DNAH9: variants seen among roughly 807,000 people sequenced by gnomAD.
The protein encoded by DNAH9 is dynein axonemal heavy chain 9.
In DNAH9, 345 loss-of-function variants were observed where a neutral mutation model predicts 471.6. That is an observed-to-expected ratio of 0.73 (90% CI 0.67 to 0.80). The LOEUF (loss-of-function observed/expected upper bound fraction) is 0.80, where lower values mean the gene tolerates loss of function less well. Ranked by LOEUF, DNAH9 falls within the 30% of genes least tolerant of loss-of-function variation. The pLI, the probability that DNAH9 is intolerant of heterozygous loss-of-function variation, is 0.00. For missense variants in DNAH9, 5,407 were observed against 5,609.2 expected (o/e 0.96, Z 1.15); for synonymous variants, 2,093 against 2,123.6 (o/e 0.99, Z 0.40).
At chr17:11,849,878 T>C (rs920377739) in intron 49 of DNAH9, among the ~76,000 whole-genome samples, 7 of 152,156 alleles carry the variant, frequency 4.6e-5, no homozygotes, top group African/African-American at 1.2e-4. Flanking sequence ...TAAATAATAT[T>C]TGTCCAATGA....
At chr17:11,754,150 A>C (rs1204298365) in intron 33 of DNAH9, among the ~76,000 whole-genome samples, 1 of 151,744 alleles carries the variant, frequency 6.6e-6, no homozygotes, top group Admixed American at 6.6e-5. Flanking sequence ...AAAAAACAAA[A>C]CATGATCTCA....
chr17:11,660,136 T>C (rs1304095812), intron 14 of DNAH9, among the ~76,000 whole-genome samples: 1 of 152,110 alleles, frequency 6.6e-6, no homozygotes, highest in African/African-American at 2.4e-5. Context: ...TCATTCAAGT[T>C]ACTTTAGGGT....
intron 61 of DNAH9, among the ~76,000 whole-genome samples, chr17:11,906,305 A>C (rs1442716139): frequency 6.6e-6 from 1 of 152,214 alleles, no homozygotes; most frequent in Non-Finnish European, 1.5e-5. Flanking sequence ...ATCAACCTCA[A>C]TTCCCATTAA....
chr17:11,618,956 T>A lies in DNAH9; in HGVS notation c.1117-592T>A, dbSNP rs190240124. 2.0e-5 allele frequency among the ~76,000 whole-genome samples: 3 copies of A among 152,282 alleles called. No homozygotes were observed. In the East Asian group the frequency reaches 5.8e-4, roughly 29 times the overall value. On this transcript the variant is annotated intron_variant, in intron 5 of 68. Transcript: ENST00000262442. Reference sequence around the variant, plus strand: ...CCATGTTTATCAGCCAGAACTCTTTTGGTTGAAAGTGTAAGAAAACCGAAA... The same window carrying A: ...CCATGTTTATCAGCCAGAACTCTTTAGGTTGAAAGTGTAAGAAAACCGAAA...
Position 11,598,520 on chromosome 17 carries a change from G to A in DNAH9, c.22G>A (p.Ala8Thr). Reference protein sequence around the residue: MRLAEERAALAAENADGE... With the variant: MRLAEERTALAAENADGE... ...CGCGATGCGGCTCGCGGAGGAGCGG[G>A]CCGCGCTCGCGGCGGAGAACGCGGA... Residue 8 changes from alanine (A) to threonine (T), a missense_variant, in exon 1 of 69, where the codon GCC becomes ACC. Physicochemically the swap from Ala to Thr is moderately conservative, Grantham distance 58 (BLOSUM62 0). This residue lies in a region of DNAH9 where 767 missense variants were observed against 692.5 expected (regional missense o/e 1.11). Transcript: ENST00000262442. 1 of 1,345,818 alleles carries A rather than the reference G, an allele frequency of 7.4e-7. No individual in the cohort carries two copies. Among genetic ancestry groups the A allele is most frequent in the Admixed American group, 3.6e-5 (1 of 28,086 alleles). 83.4% of individuals were successfully genotyped at this position (1,345,818 alleles called of 1,614,324 possible). A position where few individuals can be genotyped will look rare whatever the true frequency, so the allele number is the denominator to read the frequency against.
chr17:11,744,929 A>AT lies in DNAH9; in HGVS notation c.6246dup (p.Val2083CysfsTer3). On this transcript the variant is annotated frameshift_variant, in exon 31 of 69. Transcript: ENST00000262442. LOFTEE classifies it high-confidence loss of function. ...CTTGCGGGATTTCAACATCCCCAAG[A>AT]TTGTGACTGATGACATGCCCATCTT... 1 of 1,614,188 alleles carries AT rather than the reference A, an allele frequency of 6.2e-7. No homozygotes were observed. The highest frequency in any genetic ancestry group is 8.5e-7 in the Non-Finnish European group (1 of 1,180,034).
At chr17:11,770,023 G>A (rs1190616692) in intron 38 of DNAH9, among the ~76,000 whole-genome samples, 3 of 152,212 alleles carry the variant, frequency 2.0e-5, no homozygotes, top group African/African-American at 7.2e-5. Flanking sequence ...CAGGGCTGGG[G>A]AGAAACCCTG....
At chr17:11,797,164 T>C (rs1031503489) in intron 42 of DNAH9, among the ~76,000 whole-genome samples, 1 of 152,146 alleles carries the variant, frequency 6.6e-6, no homozygotes, top group Non-Finnish European at 1.5e-5. Flanking sequence ...GGAAAAGATG[T>C]TGGATGGCTT....
intron 48 of DNAH9, among the ~76,000 whole-genome samples, chr17:11,825,380 A>G (rs1970455046): frequency 6.6e-6 from 1 of 152,028 alleles, no homozygotes; most frequent in Admixed American, 6.6e-5. Context: ...TCTCCCTCCT[A>G]TCTATTTATC....
rs1351011648 is a variant in DNAH9, at chr17:11,905,575, C to T, written c.11601-86C>T. The T allele has an allele frequency of 1.3e-5, 18 of 1,432,552 alleles. No individual in the cohort carries two copies. The South Asian group carries it at 2.0e-4, about 16-fold the overall frequency. 88.7% of individuals were successfully genotyped at this position (1,432,552 alleles called of 1,614,324 possible). A position where few individuals can be genotyped will look rare whatever the true frequency, so the allele number is the denominator to read the frequency against. ...GCCCATGACCTTGAGCATGTTCTTT[C>T]ATTTCTATAGGCCTCTATTTCTCAA... is the stretch of plus-strand genomic sequence containing the variant. On this transcript the variant is annotated intron_variant, in intron 60 of 68. Transcript: ENST00000262442.
At position 11,699,725 on chromosome 17, in the gene DNAH9, T is replaced by C; in HGVS notation, c.4873-6T>C. ...TATGATCCATTGGCCTGGTTTCCCT[T>C]CATAGGTTCAACGTCACCTTTCCAA... On this transcript the variant is annotated splice_polypyrimidine_tract_variant and splice_region_variant and intron_variant, in intron 22 of 68. Transcript: ENST00000262442. 1 of 1,614,006 alleles carries C rather than the reference T, an allele frequency of 6.2e-7. No individual in the cohort carries two copies.
At position 11,640,373 on chromosome 17, in the gene DNAH9, C is replaced by T. The variant is rs368628809; in HGVS notation, c.1890C>T (p.Arg630=). 2.4e-5 allele frequency: 39 copies of T among 1,606,784 alleles called. No homozygotes were observed. The highest frequency in any genetic ancestry group is 3.1e-5 in the Non-Finnish European group (36 of 1,173,446). The change falls in exon 10 of 69, where the codon CGC becomes CGT. Residue 630 remains arginine (R), a synonymous_variant. Coordinates refer to ENST00000262442, the MANE Select transcript of DNAH9 (RefSeq NM_001372.4). The part of the protein sequence containing the change: ...RIQGPFSNFG[R]ITHPCMESAE... Reference sequence around the variant, plus strand: ...AGGGTCCTTTCAGCAACTTTGGACGCATCACACACCCGTGAGTATTGTGTT... The same window carrying T: ...AGGGTCCTTTCAGCAACTTTGGACGTATCACACACCCGTGAGTATTGTGTT...
chr17:11,700,074 A>G (rs556947327), intron 23 of DNAH9, among the ~76,000 whole-genome samples, 191 bp downstream of exon 23: 18 of 152,336 alleles, frequency 1.2e-4, no homozygotes, highest in African/African-American at 4.3e-4. Context: ...TTCCTCTTTC[A>G]GGGAAGGACA....
chr17:11,907,783 T>C (rs1973658274), intron 61 of DNAH9, among the ~76,000 whole-genome samples: 2 of 152,072 alleles, frequency 1.3e-5, no homozygotes, highest in Non-Finnish European at 2.9e-5. Flanking sequence ...GAATTAAAAA[T>C]GAAAAGCAAC....
At chr17:11,652,705 C>A (rs1303204683) in intron 13 of DNAH9, 56 bp from the exon 14 acceptor site, 1 of 1,565,224 alleles carries the variant, frequency 6.4e-7, no homozygotes, top group East Asian at 2.2e-5. Context: ...GCAACTAGCC[C>A]TTTAGCTATG....
intron 14 of DNAH9, among the ~76,000 whole-genome samples, chr17:11,656,682 G>A (rs973525946): frequency 6.6e-6 from 1 of 152,074 alleles, no homozygotes; most frequent in Non-Finnish European, 1.5e-5. Flanking sequence ...ATACACTCAG[G>A]TAACTACCAC....
intron 67 of DNAH9, among the ~76,000 whole-genome samples, chr17:11,960,377 C>T (rs893895973): frequency 3.6e-5 from 5 of 139,322 alleles, no homozygotes; most frequent in South Asian, 2.3e-4. Flanking sequence ...CAGAGGTTGC[C>T]GTGAGCTGAG....
intron 59 of DNAH9, among the ~76,000 whole-genome samples, chr17:11,899,630 G>A (rs1164850688): frequency 6.6e-6 from 1 of 152,198 alleles, no homozygotes; most frequent in African/African-American, 2.4e-5. Flanking sequence ...TGGGAGCACT[G>A]ATCACAGTGT....
rs372852343 is a variant in DNAH9, at chr17:11,932,882, G to A, written c.12297+677G>A. Among the ~76,000 whole-genome samples the A allele has an allele frequency of 1.3e-5, 2 of 152,168 alleles. No individual in the cohort carries two copies. The highest frequency in any genetic ancestry group is 1.9e-4 in the East Asian group (1 of 5,194). On this transcript the variant is annotated intron_variant, in intron 64 of 68. Coordinates refer to ENST00000262442, the MANE Select transcript of DNAH9 (RefSeq NM_001372.4). This position sits in a 1 kb window ranked among gnomAD's most constrained non-coding sequence, Gnocchi z 4.3. The stretch of plus-strand genomic sequence containing the variant: ...CGCCTGATATAAGTTCCCAAACTTC[G>A]CTAACAATCAGTGCTCTTCCAGTTA...
Sources: allele counts gnomAD v4.1 joint callset (sites outside exome capture counted in the v4.1 genomes callset), GRCh38; gene constraint gnomAD v4.1.1; regional missense constraint gnomAD v4.1.1; non-coding constraint Gnocchi (gnomAD v3.1); transcripts MANE v1.5; gene names NCBI Gene and HGNC (gene_info 2026-07-23, HGNC 2026-07-21).